CHRDL1: variants seen among roughly 807,000 people sequenced by gnomAD.
CHRDL1 encodes the protein chordin like 1.
CHRDL1 carries 19 observed loss-of-function variants against 40.9 expected under a neutral mutation model. The ratio of observed to expected loss-of-function variants is 0.46; its 90% CI spans 0.32 to 0.68. The LOEUF is 0.68. Ranked by LOEUF, CHRDL1 falls within the 30% of genes least tolerant of loss-of-function variation. The probability of loss-of-function intolerance (pLI) is 0.03; values close to 1 mark genes in which losing one functional copy is unlikely to be tolerated. For missense variants in CHRDL1, 329 were observed against 352.1 expected (o/e 0.93, Z 0.53); for synonymous variants, 136 against 123.4 (o/e 1.10, Z -0.68).
intron 4 of CHRDL1, among the ~76,000 whole-genome samples, chrX:110,747,694 G>T (rs1008283159): frequency 8.9e-6 from 1 of 112,416 alleles, no homozygotes; most frequent in Non-Finnish European, 1.9e-5. Context: ...ACACCCATGT[G>T]ACTACCACGT....
At chrX:110,793,173 T>C (rs1025187239) in intron 1 of CHRDL1, among the ~76,000 whole-genome samples, 2 of 112,288 alleles carry the variant, frequency 1.8e-5, no homozygotes, top group Non-Finnish European at 3.8e-5. Flanking sequence ...AATGAACTCA[T>C]TGATCTTTCC....
intron 4 of CHRDL1, among the ~76,000 whole-genome samples, chrX:110,722,403 TC>T (rs2070978228): frequency 9.1e-6 from 1 of 110,085 alleles, no homozygotes. Context: ...CTGACTCTTT[TC>T]CACCCATTGA....
chrX:110,764,007 T>C (rs1312894895), intron 2 of CHRDL1, among the ~76,000 whole-genome samples: 2 of 112,274 alleles, frequency 1.8e-5, no homozygotes, highest in African/African-American at 3.2e-5. Flanking sequence ...TTTAGTGATG[T>C]TGATCATTTT....
chrX:110,702,189 G>C lies in CHRDL1; in HGVS notation c.542-1468C>G, dbSNP rs575837547. ...AATGATCTCAGCTACTCTTCAATGG[G>C]AACCCTTTGAGCTACTTGCTCTTCA... On this transcript the variant is annotated intron_variant, in intron 6 of 11. Coordinates refer to ENST00000372042, the MANE Select transcript of CHRDL1 (RefSeq NM_001143981.2). Among the ~76,000 whole-genome samples the C allele has an allele frequency of 6.9e-4, 76 of 110,936 alleles. 1 individual carries two copies. The highest frequency in any genetic ancestry group is 2.5e-3 in the African/African-American group (75 of 30,461).
intron 8 of CHRDL1, among the ~76,000 whole-genome samples, chrX:110,689,544 C>CTCTATATA (rs2070137389): frequency 1.0e-4 from 1 of 10,048 alleles, no homozygotes; most frequent in South Asian, 3.5e-3. Flanking sequence ...ATCTCTATAT[C>CTCTATATA]TCTATATATC....
chrX:110,703,859 T>C (rs2070567617), intron 6 of CHRDL1, among the ~76,000 whole-genome samples: 1 of 111,594 alleles, frequency 9.0e-6, no homozygotes, highest in African/African-American at 3.3e-5. Flanking sequence ...CAGAGCTTTG[T>C]AAACAGCAAG....
intron 2 of CHRDL1, among the ~76,000 whole-genome samples, chrX:110,787,477 T>C (rs2090035271): frequency 8.9e-6 from 1 of 112,297 alleles, no homozygotes; most frequent in Non-Finnish European, 1.9e-5. Context: ...CTAATTCCAC[T>C]TAATTAAACT....
At chrX:110,791,614 T>A (rs1169961183) in intron 2 of CHRDL1, among the ~76,000 whole-genome samples, 1 of 112,342 alleles carries the variant, frequency 8.9e-6, no homozygotes, top group East Asian at 2.8e-4. Context: ...TGAGCCCAGT[T>A]CATAGGAAGG....
chrX:110,731,362 CCTTATACAGTG>C (rs890770008), intron 4 of CHRDL1, among the ~76,000 whole-genome samples: 8 of 110,931 alleles, frequency 7.2e-5, no homozygotes, highest in African/African-American at 2.6e-4. Context: ...AAATTGGAAC[CCTTATACAGTG>C]CTGGTGAGAA....
chrX:110,781,539 T>C (rs1425986582), intron 2 of CHRDL1, among the ~76,000 whole-genome samples: 1 of 111,845 alleles, frequency 8.9e-6, no homozygotes, highest in Non-Finnish European at 1.9e-5. Flanking sequence ...CTATTTAAAA[T>C]ATGAAACTGA....
intron 4 of CHRDL1, among the ~76,000 whole-genome samples, chrX:110,750,772 G>A (rs1330745453): frequency 8.9e-6 from 1 of 112,039 alleles, no homozygotes; most frequent in East Asian, 2.8e-4. Context: ...GAAGATGGCA[G>A]AAGAGGCAGC....
chrX:110,759,248 G>A (rs748926712), intron 4 of CHRDL1, among the ~76,000 whole-genome samples: 4 of 111,988 alleles, frequency 3.6e-5, no homozygotes, highest in African/African-American at 1.3e-4. Context: ...TTTGATTTAT[G>A]AATGGCCCCC....
intron 4 of CHRDL1, among the ~76,000 whole-genome samples, chrX:110,751,630 T>C (rs748820282): frequency 2.7e-5 from 3 of 112,165 alleles, no homozygotes; most frequent in East Asian, 2.8e-4. Flanking sequence ...TAATAGATTC[T>C]AGTGAGGATG....
chrX:110,714,001 C>T (rs918120216), intron 6 of CHRDL1, among the ~76,000 whole-genome samples: 15 of 110,119 alleles, frequency 1.4e-4, no homozygotes, highest in African/African-American at 4.6e-4. Flanking sequence ...GGTTTGAAGC[C>T]TGCCTTCCCA....
chrX:110,694,107 G>A lies in CHRDL1; in HGVS notation c.778+56C>T, dbSNP rs752265191. 4.0e-6 allele frequency: 4 copies of A among 991,476 alleles called. No homozygotes were observed. In the East Asian group the frequency reaches 1.2e-4, roughly 31 times the overall value. 81.7% of individuals were successfully genotyped at this position (991,476 alleles called of 1,213,427 possible). ...CCTTTCCCAGCTCCAGCCCTGCAAA[G>A]ACCAGGGCTGCTGAAGCCTTGTTGT... On this transcript the variant is annotated intron_variant, in intron 8 of 11. Coordinates refer to ENST00000372042, the MANE Select transcript of CHRDL1 (RefSeq NM_001143981.2).
intron 2 of CHRDL1, among the ~76,000 whole-genome samples, chrX:110,765,858 T>C (rs950099355): frequency 2.7e-5 from 3 of 111,862 alleles, no homozygotes; most frequent in African/African-American, 6.5e-5. Context: ...TTACAAGATA[T>C]ATATAGAATA....
At chrX:110,709,598 G>A (rs1361055821) in intron 6 of CHRDL1, among the ~76,000 whole-genome samples, 1 of 112,251 alleles carries the variant, frequency 8.9e-6, no homozygotes, top group Non-Finnish European at 1.9e-5. Context: ...AAAAGAGTTT[G>A]CATCTTAATT....
intron 2 of CHRDL1, among the ~76,000 whole-genome samples, chrX:110,765,405 T>C (rs1331678800): frequency 8.9e-6 from 1 of 112,291 alleles, no homozygotes; most frequent in African/African-American, 3.2e-5. Flanking sequence ...GTTTTTCCAA[T>C]GTTATCTTCT....
intron 2 of CHRDL1, among the ~76,000 whole-genome samples, chrX:110,789,721 A>C (rs760981605): frequency 1.8e-5 from 2 of 112,151 alleles, no homozygotes; most frequent in Non-Finnish European, 3.8e-5. Context: ...TAATTTTATA[A>C]AACAAAGAAA....
Sources: gnomAD v4.1 joint callset for allele counts (sites outside exome capture counted in the v4.1 genomes callset) on GRCh38, gnomAD v4.1.1 for gene constraint, MANE v1.5 for transcripts, NCBI Gene and HGNC (gene_info 2026-07-23, HGNC 2026-07-21) for gene names.